The following TLL2 variants were observed in gnomAD, a reference collection of about 807,000 sequenced individuals.
TLL2 encodes tolloid like 2.
Under a neutral mutation model 123.0 loss-of-function variants are expected in TLL2, and 106 were observed. That is an observed-to-expected ratio of 0.86 (90% CI 0.74 to 1.01). TLL2 has a LOEUF of 1.01. TLL2 is among the 50% of genes least tolerant of loss of function. The pLI, the probability that TLL2 is intolerant of heterozygous loss-of-function variation, is 0.00. For synonymous variants in TLL2, 494 were observed against 516.8 expected (o/e 0.96, Z 0.60); for missense variants, 1,332 against 1,336.7 (o/e 1.00, Z 0.06).
At chr10:96,432,729 T>A in intron 4 of TLL2, 78 bp downstream of exon 4, 1 of 1,543,040 alleles carries the variant, frequency 6.5e-7, no homozygotes, top group Non-Finnish European at 8.8e-7. Context: ...CCCACCCGGG[T>A]CCTTCCTAGA....
At chr10:96,484,710 T>G (rs1052806512) in intron 1 of TLL2, among the ~76,000 whole-genome samples, 2 of 152,134 alleles carry the variant, frequency 1.3e-5, no homozygotes, top group Admixed American at 6.5e-5. Flanking sequence ...AAATAAAATT[T>G]ATGGAGCAAT....
chr10:96,428,286 C>T (rs1266055125), intron 5 of TLL2, among the ~76,000 whole-genome samples: 1 of 152,162 alleles, frequency 6.6e-6, no homozygotes, highest in Non-Finnish European at 1.5e-5. Flanking sequence ...TTCATCTATT[C>T]TTGAAGAAGG....
At chr10:96,368,309 G>C in intron 20 of TLL2, 87 bp from the exon 21 acceptor site, 1 of 1,491,832 alleles carries the variant, frequency 6.7e-7, no homozygotes. Flanking sequence ...CTTATGCAAG[G>C]ACACAGGATG....
rs142716364 is a variant in TLL2, at chr10:96,370,069, G to T, written c.2909C>A (p.Ser970Tyr). ...SAPRLGRFCG[S>Y]GPLEEIYSAG... The stretch of plus-strand genomic sequence containing the variant: ...CCCAGCGTCTCCGGGACTTACCCCA[G>T]AGCCACAGAAGCGGCCGAGCCTGGG... Residue 970 changes from serine to tyrosine, a missense_variant, in exon 20 of 21, where the codon TCT (serine) becomes TAT (tyrosine). Ser to Tyr is a moderately radical substitution (Grantham distance 144). Coordinates refer to ENST00000357947, the MANE Select transcript of TLL2 (RefSeq NM_012465.4). 2.0e-5 allele frequency: 32 copies of T among 1,588,380 alleles called. 1 individual carries two copies. The African/African-American group carries it at 3.9e-4, about 19-fold the overall frequency.
At chr10:96,394,642 T>C (rs987744289) in intron 13 of TLL2, among the ~76,000 whole-genome samples, 2 of 152,126 alleles carry the variant, frequency 1.3e-5, no homozygotes, top group Non-Finnish European at 2.9e-5. Flanking sequence ...CTGGGTTGCC[T>C]CTCTGGCCCA....
At chr10:96,371,692 C>T (rs756905269) in intron 19 of TLL2, among the ~76,000 whole-genome samples, 2 of 152,152 alleles carry the variant, frequency 1.3e-5, no homozygotes, top group Non-Finnish European at 1.5e-5. Flanking sequence ...TCCATCCGGC[C>T]GGACGCCCCC....
At chr10:96,380,323 T>C (rs1430811625) in intron 16 of TLL2, among the ~76,000 whole-genome samples, 2 of 152,082 alleles carry the variant, frequency 1.3e-5, no homozygotes, top group Non-Finnish European at 2.9e-5. Flanking sequence ...CCTGTCTTCC[T>C]CCCCTCTCTA....
rs74151341 is a variant in TLL2 at position 96,442,333 on chromosome 10, G to A, written c.364+3758C>T. On this transcript the variant is annotated intron_variant, in intron 3 of 20. Coordinates refer to ENST00000357947, the MANE Select transcript of TLL2 (RefSeq NM_012465.4). Reference sequence around the variant, plus strand: ...GTCTCTTTTCCTGGGGGTGGTGGAAGGGGGGCAAGTTGTGATTAAAGGGAA... The same window carrying A: ...GTCTCTTTTCCTGGGGGTGGTGGAAAGGGGGCAAGTTGTGATTAAAGGGAA... 6.0e-3 allele frequency among the ~76,000 whole-genome samples: 907 copies of A among 152,264 alleles called. 9 individuals are homozygous for A. The highest frequency in any genetic ancestry group is 0.021 in the African/African-American group (864 of 41,544).
chr10:96,370,200 C>T lies in TLL2; in HGVS notation c.2778G>A (p.Glu926=). The part of the protein sequence containing the change: ...EARCDWVIVA[E]DGYGVELTFR... ...ATGTCAGCTCCACGCCGTAGCCGTC[C>T]TCTGCCACGATCACCCAGTCACAGC... The change falls in exon 20 of 21, where the codon GAG becomes GAA. Residue 926 remains glutamate, a synonymous_variant. Coordinates refer to ENST00000357947, the MANE Select transcript of TLL2 (RefSeq NM_012465.4). The T allele has an allele frequency of 6.2e-7, 1 of 1,614,124 alleles. No individual in the cohort carries two copies. The highest frequency in any genetic ancestry group is 1.6e-4 in the Middle Eastern group (1 of 6,062).
At chr10:96,511,044 A>C (rs542073829) in intron 1 of TLL2, among the ~76,000 whole-genome samples, 1 of 146,552 alleles carries the variant, frequency 6.8e-6, no homozygotes, top group East Asian at 2.3e-4. Flanking sequence ...TCCCCTCTGC[A>C]TTCTGAGTCC....
At position 96,513,802 on chromosome 10, in the gene TLL2, C is replaced by A; in HGVS notation, c.-117G>T. On this transcript the variant is annotated 5_prime_UTR_variant, in exon 1 of 21. Coordinates refer to ENST00000357947, the MANE Select transcript of TLL2 (RefSeq NM_012465.4). ...GCCGGGACTCGGTGGTTACACAGGG[C>A]TGCTGGGCATGGCTCAGGCGCGGAG... 8.8e-7 allele frequency: 1 copy of A among 1,135,546 alleles called. No individual in the cohort carries two copies. Among genetic ancestry groups the A allele is most frequent in the East Asian group, 3.1e-5 (1 of 32,308 alleles). The allele number at this position is 1,135,546 out of a possible 1,614,324, so 70.3% of individuals were successfully genotyped here.
intron 1 of TLL2, among the ~76,000 whole-genome samples, chr10:96,493,077 G>A (rs1369197293): frequency 4.6e-5 from 7 of 152,192 alleles, no homozygotes; most frequent in Admixed American, 4.6e-4. Context: ...GAAAGGGACT[G>A]ATGGTTCTGC....
In TLL2 at chr10:96,480,240, G is replaced by A. The variant is rs116295517; in HGVS notation, c.286+109C>T. On this transcript the variant is annotated intron_variant, in intron 2 of 20. Transcript: ENST00000357947. ...CCCTCTGATTTTCCACAAATAGGGG[G>A]GCATTAGACTAGCAAGTCAAACACC... 370 of 859,648 alleles carry A rather than the reference G, an allele frequency of 4.3e-4. 2 individuals carry two copies. In the African/African-American group the frequency reaches 5.7e-3, roughly 13 times the overall value. 53.3% of individuals were successfully genotyped at this position (859,648 alleles called of 1,614,324 possible). A position where few individuals can be genotyped will look rare whatever the true frequency, so the allele number is the denominator to read the frequency against.
chr10:96,408,039 G>C (rs1451567329), intron 9 of TLL2, among the ~76,000 whole-genome samples: 2 of 152,230 alleles, frequency 1.3e-5, no homozygotes, highest in South Asian at 2.1e-4. Flanking sequence ...CCTGGGAGTG[G>C]GGGGAGGGGG....
chr10:96,482,588 T>C (rs1446452193), intron 1 of TLL2, among the ~76,000 whole-genome samples: 1 of 152,250 alleles, frequency 6.6e-6, no homozygotes, highest in Non-Finnish European at 1.5e-5. Context: ...CTACATATTA[T>C]ATGATTCAAT....
At chr10:96,447,392 C>T (rs1474374946) in intron 2 of TLL2, among the ~76,000 whole-genome samples, 1 of 152,206 alleles carries the variant, frequency 6.6e-6, no homozygotes, top group Non-Finnish European at 1.5e-5. Context: ...CACAGGCAGA[C>T]AAAAGCAGAA....
At chr10:96,422,049 TA>T (rs1027173006) in intron 6 of TLL2, among the ~76,000 whole-genome samples, 8 of 152,134 alleles carry the variant, frequency 5.3e-5, no homozygotes, top group Admixed American at 5.2e-4. Flanking sequence ...CATAAGAGAG[TA>T]TTTTTTTTTA....
chr10:96,444,909 G>A (rs377625172), intron 3 of TLL2, among the ~76,000 whole-genome samples: 1 of 152,106 alleles, frequency 6.6e-6, no homozygotes, highest in Admixed American at 6.5e-5. Context: ...TTATTCCTTG[G>A]CCAGGTGCGG....
At chr10:96,502,909 T>C (rs1847548316) in intron 1 of TLL2, among the ~76,000 whole-genome samples, 1 of 150,518 alleles carries the variant, frequency 6.6e-6, no homozygotes, top group Admixed American at 6.6e-5. Context: ...CAAGTGCTCA[T>C]GCGGGCGAGC....
Sources: gnomAD v4.1 joint callset for allele counts (sites outside exome capture counted in the v4.1 genomes callset) on GRCh38, gnomAD v4.1.1 for gene constraint, MANE v1.5 for transcripts, NCBI Gene and HGNC (gene_info 2026-07-23, HGNC 2026-07-21) for gene names.